The following COL5A1 variants were observed in gnomAD, a reference collection of about 807,000 sequenced individuals.
COL5A1 encodes collagen alpha-1(V) chain.
Under a neutral mutation model 263.7 loss-of-function variants are expected in COL5A1, and 16 were observed. The observed-to-expected ratio is 0.06, with a 90% CI of 0.04 to 0.09. The LOEUF (loss-of-function observed/expected upper bound fraction) is 0.09. Among genes scored for constraint, COL5A1 ranks in the 10% least tolerant of loss-of-function variants. The probability of loss-of-function intolerance (pLI) is 1.00; values close to 1 mark genes in which losing one functional copy is unlikely to be tolerated. For synonymous variants in COL5A1, 1,012 were observed against 1,004.5 expected, an observed-to-expected ratio of 1.01 and a Z score of -0.14; for missense variants, 2,036 against 2,540.5, an observed-to-expected ratio of 0.80 and a Z score of 4.27.
chr9:134,840,384 G>C (rs1479853503), intron 65 of COL5A1, among the ~76,000 whole-genome samples: 1 of 152,182 alleles, frequency 6.6e-6, no homozygotes. Flanking sequence ...ACGCATGCAG[G>C]GAGGTGAGCT....
Position 134,815,929 on chromosome 9 carries a change from C to G in COL5A1, c.4069-6C>G, listed in dbSNP as rs756079712. 1 of 1,614,126 alleles carries G rather than the reference C, an allele frequency of 6.2e-7. No homozygotes were observed. Among genetic ancestry groups the G allele is most frequent in the Non-Finnish European group, 8.5e-7 (1 of 1,180,026 alleles). ...TTCAGCAAGGAGCTCGCTTTTGCCT[C>G]CATAGGGTCAAGATGGTCCCCCTGG... On this transcript the variant is annotated splice_region_variant and splice_polypyrimidine_tract_variant and intron_variant, in intron 51 of 65. Coordinates refer to ENST00000371817, the MANE Select transcript of COL5A1 (RefSeq NM_000093.5).
intron 25 of COL5A1, among the ~76,000 whole-genome samples, chr9:134,770,329 A>G (rs1836828281): frequency 6.6e-6 from 1 of 152,268 alleles, no homozygotes; most frequent in African/African-American, 2.4e-5. Flanking sequence ...CTCAGTGCCT[A>G]GAAATATGTT....
chr9:134,779,400 G>A (rs1395213743), intron 27 of COL5A1, among the ~76,000 whole-genome samples: 3 of 152,184 alleles, frequency 2.0e-5, no homozygotes, highest in Non-Finnish European at 4.4e-5. Flanking sequence ...CAGGGAGGTG[G>A]GATGGTGTGT....
intron 65 of COL5A1, among the ~76,000 whole-genome samples, chr9:134,835,769 T>C (rs1016557140): frequency 2.6e-5 from 4 of 152,176 alleles, no homozygotes; most frequent in African/African-American, 9.6e-5. Context: ...AGGGCTGGTA[T>C]TGGCGCTCAT....
rs1486716592 is a variant in COL5A1 at position 134,796,891 on chromosome 9, A to G, written c.2888A>G (p.Lys963Arg). ...PQGPTGFPGP[K>R]GPPGPPGKDG... ...GGACCCACAGGATTTCCTGGACCAA[A>G]GGGCCCCCCTGTAAGTAATGGCTTC... Residue 963 changes from lysine to arginine, a missense_variant, in exon 36 of 66, where the codon AAG becomes AGG. By Grantham distance (26) the Lys-to-Arg change is conservative. Transcript: ENST00000371817. 1.2e-6 allele frequency: 2 copies of G among 1,613,932 alleles called. No individual in the cohort carries two copies. The highest frequency in any genetic ancestry group is 1.7e-6 in the Non-Finnish European group (2 of 1,179,936).
chr9:134,759,154 A>G (rs906270155), intron 18 of COL5A1, among the ~76,000 whole-genome samples: 3 of 151,884 alleles, frequency 2.0e-5, no homozygotes, highest in Non-Finnish European at 4.4e-5. Context: ...TGGCTCCTTT[A>G]TATTTTAGCA....
At chr9:134,750,704 G>T (rs1416528835) in intron 12 of COL5A1, 86 bp from the exon 13 acceptor site, 2 of 1,593,762 alleles carry the variant, frequency 1.3e-6, no homozygotes, top group African/African-American at 2.7e-5. Context: ...TGTCACTGGA[G>T]AGGCCTGTGG....
At chr9:134,788,801 C>T (rs928386669) in intron 31 of COL5A1, among the ~76,000 whole-genome samples, 3 of 141,812 alleles carry the variant, frequency 2.1e-5, no homozygotes, top group Non-Finnish European at 4.5e-5. Context: ...GGTGGGTAGA[C>T]AGGTGGATGA....
rs1257577624 is a variant in COL5A1 at position 134,843,840 on chromosome 9, G to C, written c.*1537G>C. On this transcript the variant is annotated 3_prime_UTR_variant, in exon 66 of 66. Coordinates refer to ENST00000371817, the MANE Select transcript of COL5A1 (RefSeq NM_000093.5). ...GCTGCCTGCAGCACGTCTTTTCCAA[G>C]TAGCCTATTTGGATTCCCATCTCAA... The C allele has an allele frequency of 6.5e-6, 1 of 152,682 alleles. No homozygotes were observed. 9.5% of individuals were successfully genotyped at this position (152,682 alleles called of 1,614,324 possible).
In COL5A1 at chr9:134,838,359, C is replaced by T. The variant is rs60855789; in HGVS notation, c.5370+3155C>T. ...ACACAGAACTAAGGTGTGAAGGGAGCGCAGAGGGTTCACCTGCTGCAAGGG... is the reference window on the plus strand; with the variant it reads ...ACACAGAACTAAGGTGTGAAGGGAGTGCAGAGGGTTCACCTGCTGCAAGGG... On this transcript the variant is annotated intron_variant, in intron 65 of 65. Transcript: ENST00000371817. Among the ~76,000 whole-genome samples, 933 of 152,302 alleles carry T rather than the reference C, an allele frequency of 6.1e-3. 9 individuals carry two copies. The highest frequency in any genetic ancestry group is 0.022 in the African/African-American group (902 of 41,544).
In COL5A1 at chr9:134,802,900, G is replaced by C; in HGVS notation, c.3019G>C (p.Glu1007Gln). 1 of 1,612,364 alleles carries C rather than the reference G, an allele frequency of 6.2e-7. No individual in the cohort carries two copies. The highest frequency in any genetic ancestry group is 8.5e-7 in the Non-Finnish European group (1 of 1,179,568). The part of the protein sequence containing the change: ...GVVGPQGPTG[E>Q]TGPMGERGHP... Reference sequence around the variant, plus strand: ...ATTTTCCCCACAGGGTCCCACGGGAGAAACGGGCCCAATGGGTGAGCGTGG... The same window carrying C: ...ATTTTCCCCACAGGGTCCCACGGGACAAACGGGCCCAATGGGTGAGCGTGG... Residue 1007 changes from glutamate to glutamine, a missense_variant, in exon 39 of 66, where the codon GAA becomes CAA. Physicochemically the swap from Glu to Gln is conservative, Grantham distance 29. Transcript: ENST00000371817.
intron 1 of COL5A1, among the ~76,000 whole-genome samples, chr9:134,656,130 C>G (rs565677439): frequency 6.6e-6 from 1 of 152,090 alleles, no homozygotes; most frequent in Non-Finnish European, 1.5e-5. Flanking sequence ...GCAGGAGCCC[C>G]GGGGCCCCAC....
chr9:134,743,119 T>C (rs568559633), intron 11 of COL5A1, among the ~76,000 whole-genome samples: 1 of 152,304 alleles, frequency 6.6e-6, no homozygotes, highest in African/African-American at 2.4e-5. Context: ...CAGAGCGTCT[T>C]TGAGGCGAGT....
chr9:134,774,845 C>G lies in COL5A1; in HGVS notation c.2332-14C>G. 2 of 1,613,232 alleles carry G rather than the reference C, an allele frequency of 1.2e-6. No homozygotes were observed. The highest frequency in any genetic ancestry group is 1.7e-6 in the Non-Finnish European group (2 of 1,179,700). ...CTGGCATGGGGCTAACGGTCTTTTT[C>G]TGTTTGGTTTTAGGGTCCACCTGGC... On this transcript the variant is annotated splice_polypyrimidine_tract_variant and intron_variant, in intron 26 of 65. Transcript: ENST00000371817.
chr9:134,830,554 A>G (rs1839570150), intron 64 of COL5A1, among the ~76,000 whole-genome samples: 1 of 152,186 alleles, frequency 6.6e-6, no homozygotes, highest in Admixed American at 6.5e-5. Context: ...CAGAGGACAC[A>G]GATCCCAGAC....
intron 6 of COL5A1, 124 bp from the exon 7 acceptor site, chr9:134,730,110 CTT>C (rs896288936): frequency 1.4e-6 from 2 of 1,438,324 alleles, no homozygotes; most frequent in African/African-American, 2.8e-5. Flanking sequence ...CTCTGGGCCT[CTT>C]GACAGGCCTG....
At chr9:134,774,788 G>A in intron 26 of COL5A1, 71 bp from the exon 27 acceptor site, 1 of 1,507,482 alleles carries the variant, frequency 6.6e-7, no homozygotes, top group Non-Finnish European at 9.1e-7. Context: ...CCGAACTCTG[G>A]AGTTTCCTGA....
At chr9:134,795,173 G>C (rs1398284615) in intron 33 of COL5A1, 47 bp downstream of exon 33, 49 of 1,613,646 alleles carry the variant, frequency 3.0e-5, no homozygotes, top group Non-Finnish European at 4.1e-5. Flanking sequence ...ACGGGAGCAT[G>C]GTTTAGGGAG....
At chr9:134,780,074 A>G in intron 27 of COL5A1, 28 bp from the exon 28 acceptor site, 2 of 1,612,216 alleles carry the variant, frequency 1.2e-6, no homozygotes, top group South Asian at 1.1e-5. Flanking sequence ...GTAACCATTC[A>G]CTCCTTTTTC....
Sources: gnomAD v4.1 joint callset for allele counts (sites outside exome capture counted in the v4.1 genomes callset) on GRCh38, gnomAD v4.1.1 for gene constraint, MANE v1.5 for transcripts, NCBI Gene and HGNC (gene_info 2026-07-23, HGNC 2026-07-21) for gene names.